Variants in NPR3 observed in about 807,000 individuals in gnomAD.
NPR3 encodes atrial natriuretic peptide receptor 3.
Under a neutral mutation model 54.5 loss-of-function variants are expected in NPR3, and 34 were observed. The observed-to-expected ratio is 0.62, with a 90% CI of 0.47 to 0.83. The LOEUF (loss-of-function observed/expected upper bound fraction) is 0.83, where lower values mean the gene tolerates loss of function less well. Among genes scored for constraint, NPR3 ranks in the 40% least tolerant of loss-of-function variants. The probability of loss-of-function intolerance (pLI) is 0.00; values close to 1 mark genes in which losing one functional copy is unlikely to be tolerated. For synonymous variants in NPR3, 289 were observed against 297.1 expected (o/e 0.97, Z 0.28); for missense variants, 674 against 720.8 (o/e 0.94, Z 0.74).
chr5:32,717,464 CCCA>C (rs1469426770), intron 1 of NPR3, among the ~76,000 whole-genome samples: 1 of 152,182 alleles, frequency 6.6e-6, no homozygotes, highest in African/African-American at 2.4e-5. Flanking sequence ...AATTTACACT[CCCA>C]CCAACAGTGT....
In NPR3 at chr5:32,712,129, A is replaced by C; in HGVS notation, c.353A>C (p.Asp118Ala). 1 of 1,613,362 alleles carries C rather than the reference A, an allele frequency of 6.2e-7. No homozygotes were observed. The highest frequency in any genetic ancestry group is 8.5e-7 in the Non-Finnish European group (1 of 1,179,744). ...AACCGTGCGCTCTTCAGCTTGGTGG[A>C]CCGCGTGGCGGCGGCGCGGGGCGCC... is the stretch of plus-strand genomic sequence containing the variant. ...CGNRALFSLV[D>A]RVAAARGAKP... Residue 118 changes from aspartate (D) to alanine (A), a missense_variant, in exon 1 of 8, where the codon GAC becomes GCC. Coordinates refer to ENST00000265074, the MANE Select transcript of NPR3 (RefSeq NM_001204375.2).
chr5:32,733,204 T>G lies in NPR3; in HGVS notation c.893-5660T>G, dbSNP rs544817742. Reference sequence around the variant, plus strand: ...TTGGATTGAAAAAAAAACATATTGATAGTGCGTCCATTATTACTAATTACT... The same window carrying G: ...TTGGATTGAAAAAAAAACATATTGAGAGTGCGTCCATTATTACTAATTACT... On this transcript the variant is annotated intron_variant, in intron 2 of 7. Coordinates refer to ENST00000265074, the MANE Select transcript of NPR3 (RefSeq NM_001204375.2). 3.3e-5 allele frequency among the ~76,000 whole-genome samples: 5 copies of G among 152,246 alleles called. No homozygotes were observed. The East Asian group carries it at 9.6e-4, about 29-fold the overall frequency.
intron 1 of NPR3, chr5:32,713,131 A>G: frequency 2.0e-6 from 2 of 979,844 alleles, no homozygotes; most frequent in Admixed American, 1.2e-4. Context: ...AGCCCCTTAT[A>G]AACGAGCTTC....
intron 1 of NPR3, among the ~76,000 whole-genome samples, chr5:32,696,684 C>T (rs150434448): frequency 2.0e-3 from 307 of 151,946 alleles, no homozygotes; most frequent in African/African-American, 7.2e-3. Context: ...CTTTCATCAG[C>T]GTTTCATAGT....
In NPR3 at chr5:32,712,068, C is replaced by A; in HGVS notation, c.292C>A (p.Arg98Ser). 1 of 1,613,866 alleles carries A rather than the reference C, an allele frequency of 6.2e-7. No individual in the cohort carries two copies. The highest frequency in any genetic ancestry group is 8.5e-7 in the Non-Finnish European group (1 of 1,179,816). ...GAGGCGGCTTCTGCCGCCGGGCACT[C>A]GCTTCCAGGTGGCTTACGAGGATTC... The part of the protein sequence containing the change: ...TGRRLLPPGT[R>S]FQVAYEDSDC... The change falls in exon 1 of 8, where the codon CGC (arginine) becomes AGC (serine). Residue 98 changes from arginine to serine, a missense_variant. Transcript: ENST00000265074.
At chr5:32,725,209 C>T (rs778777344) in intron 2 of NPR3, among the ~76,000 whole-genome samples, 22 of 152,230 alleles carry the variant, frequency 1.4e-4, no homozygotes, top group Middle Eastern at 3.4e-3. Flanking sequence ...CCCAGCATCA[C>T]GCAATATTCC....
intron 1 of NPR3, among the ~76,000 whole-genome samples, chr5:32,701,953 A>G (rs1244541941): frequency 6.6e-6 from 1 of 152,194 alleles, no homozygotes; most frequent in Admixed American, 6.5e-5. Flanking sequence ...GGCCACCACC[A>G]CTGGGACTGT....
At position 32,712,526 on chromosome 5, in the gene NPR3, T is replaced by A; in HGVS notation, c.750T>A (p.Asn250Lys). The A allele has an allele frequency of 1.1e-5, 17 of 1,527,086 alleles. No homozygotes were observed. Among genetic ancestry groups the A allele is most frequent in the Non-Finnish European group, 1.4e-5 (16 of 1,139,872 alleles). 94.6% of individuals were successfully genotyped at this position (1,527,086 alleles called of 1,614,324 possible). Residue 250 changes from asparagine (N) to lysine (K), a missense_variant, in exon 1 of 8, where the codon AAT becomes AAA. Physicochemically the swap from Asn to Lys is moderately conservative, Grantham distance 94 (BLOSUM62 0). Transcript: ENST00000265074. ...KDLDLEDIVR[N>K]IQASERVVIM... ...TGGATCTGGAAGACATCGTGCGCAA[T>A]ATCCAGGCCAGTGAGAGAGGTGAGC...
At chr5:32,770,049 A>G (rs1741673185) in intron 3 of NPR3, among the ~76,000 whole-genome samples, 1 of 152,150 alleles carries the variant, frequency 6.6e-6, no homozygotes, top group African/African-American at 2.4e-5. Flanking sequence ...TAATAAATCA[A>G]TGTGGCTGGC....
At chr5:32,784,728 A>G in intron 6 of NPR3, 68 bp from the exon 7 acceptor site, 1 of 1,258,784 alleles carries the variant, frequency 7.9e-7, no homozygotes, top group Non-Finnish European at 1.2e-6. Flanking sequence ...TCTTGCAATG[A>G]ATGAAACTCG....
chr5:32,742,853 G>A (rs928811178), intron 3 of NPR3, among the ~76,000 whole-genome samples: 7 of 152,140 alleles, frequency 4.6e-5, no homozygotes, highest in Non-Finnish European at 8.8e-5. Flanking sequence ...TTTGTATAAT[G>A]TAGGTTAAGG....
At chr5:32,736,051 T>C (rs1403011789) in intron 2 of NPR3, among the ~76,000 whole-genome samples, 2 of 151,798 alleles carry the variant, frequency 1.3e-5, no homozygotes, top group Non-Finnish European at 2.9e-5. Flanking sequence ...GCCAACATAG[T>C]GAAACCCTGT....
At chr5:32,713,546 C>T (rs1738381874) in intron 1 of NPR3, 1 of 864,314 alleles carries the variant, frequency 1.2e-6, no homozygotes, top group South Asian at 5.3e-5. Flanking sequence ...GTCTCTGCTC[C>T]CCCTTGGCGC....
rs1737762850 is a variant in NPR3 at position 32,700,818 on chromosome 5, C to T, written c.100+11632C>T. Among the ~76,000 whole-genome samples the T allele has an allele frequency of 2.0e-5, 3 of 152,110 alleles. No homozygotes were observed. In the South Asian group the frequency reaches 6.2e-4, roughly 32 times the overall value. On this transcript the variant is annotated intron_variant, in intron 1 of 5. Transcript: ENST00000509104. ...TCATTGATGGACATTTGGATTGGTTCCAAGTCTTTGTTATTGTGAATAGTG... is the reference window on the plus strand; with the variant it reads ...TCATTGATGGACATTTGGATTGGTTTCAAGTCTTTGTTATTGTGAATAGTG...
At chr5:32,764,026 G>A (rs763593921) in intron 3 of NPR3, among the ~76,000 whole-genome samples, 4 of 152,116 alleles carry the variant, frequency 2.6e-5, no homozygotes, top group Admixed American at 1.3e-4. Flanking sequence ...GGGTTTTCAT[G>A]GAAAGTCTGA....
At chr5:32,692,119 G>C (rs1740408488) in intron 1 of NPR3, among the ~76,000 whole-genome samples, 1 of 152,206 alleles carries the variant, frequency 6.6e-6, no homozygotes, top group African/African-American at 2.4e-5. Context: ...GATTGGAAAT[G>C]AGAGTGTGCC....
intron 1 of NPR3, among the ~76,000 whole-genome samples, chr5:32,714,879 G>A (rs1463428330): frequency 6.6e-6 from 1 of 152,166 alleles, no homozygotes; most frequent in Non-Finnish European, 1.5e-5. Context: ...CACCGGCTGG[G>A]GGATCTTGGA....
rs1274436294 is a variant in NPR3, at chr5:32,788,557, AG to A, written c.*2216del. On this transcript the variant is annotated 3_prime_UTR_variant, in exon 8 of 8. Transcript: ENST00000265074. ...CATTTCAAGTCTATGTGCTTATTAC[AG>A]GGGAAAAATAATCTACCTGGTTGCA... The A allele has an allele frequency of 6.6e-6, 1 of 152,224 alleles. No individual in the cohort carries two copies. Among genetic ancestry groups the A allele is most frequent in the African/African-American group, 2.4e-5 (1 of 41,470 alleles). 9.4% of individuals were successfully genotyped at this position (152,224 alleles called of 1,614,324 possible).
intron 1 of NPR3, among the ~76,000 whole-genome samples, chr5:32,698,650 G>T (rs1404613712): frequency 6.6e-6 from 1 of 152,016 alleles, no homozygotes; most frequent in Non-Finnish European, 1.5e-5. Context: ...TATACATCTG[G>T]GTTCTCCAGA....
Sources: gnomAD v4.1 joint callset for allele counts (sites outside exome capture counted in the v4.1 genomes callset) on GRCh38, gnomAD v4.1.1 for gene constraint, MANE v1.5 for transcripts, NCBI Gene and HGNC (gene_info 2026-07-23, HGNC 2026-07-21) for gene names.